Variants in STK3 observed in about 807,000 individuals in gnomAD.
STK3 encodes serine/threonine-protein kinase 3.
STK3 carries 41 observed loss-of-function variants against 58.0 expected under a neutral mutation model. The ratio of observed to expected loss-of-function variants is 0.71; its 90% CI spans 0.55 to 0.92. The LOEUF (loss-of-function observed/expected upper bound fraction) is 0.92. Ranked by LOEUF, STK3 falls within the 40% of genes least tolerant of loss-of-function variation. The pLI is 0.00. For missense variants in STK3, 479 were observed against 602.7 expected (o/e 0.79, Z 2.15); for synonymous variants, 170 against 191.0 (o/e 0.89, Z 0.91).
intron 10 of STK3, among the ~76,000 whole-genome samples, chr8:98,509,414 T>C (rs963193097): frequency 6.6e-6 from 1 of 152,058 alleles, no homozygotes; most frequent in Non-Finnish European, 1.5e-5. Flanking sequence ...GGCTGTTTTA[T>C]ATAAACTACA....
chr8:98,859,938 G>C (rs953227044), intron 3 of STK3, among the ~76,000 whole-genome samples: 1 of 152,198 alleles, frequency 6.6e-6, no homozygotes, highest in African/African-American at 2.4e-5. Context: ...AGCCTACTCA[G>C]AGAAATAAAA....
At chr8:98,729,860 C>G (rs532067694) in intron 4 of STK3, among the ~76,000 whole-genome samples, 2 of 152,348 alleles carry the variant, frequency 1.3e-5, no homozygotes, top group Admixed American at 6.5e-5. Context: ...TCTGGCTCCA[C>G]ATTTCATGTT....
chr8:98,573,015 CAT>C (rs1218220043), intron 8 of STK3, among the ~76,000 whole-genome samples: 1 of 151,762 alleles, frequency 6.6e-6, no homozygotes, highest in Non-Finnish European at 1.5e-5. Context: ...GACCAAGTAA[CAT>C]ATACCTAAAA....
intron 6 of STK3, among the ~76,000 whole-genome samples, chr8:98,658,827 C>T (rs1183611704): frequency 1.3e-5 from 2 of 151,954 alleles, no homozygotes; most frequent in Non-Finnish European, 2.9e-5. Context: ...GAAACAATTC[C>T]ACATGTCACA....
At chr8:98,870,675 T>G (rs1034113192) in intron 3 of STK3, among the ~76,000 whole-genome samples, 4 of 152,242 alleles carry the variant, frequency 2.6e-5, no homozygotes, top group Non-Finnish European at 4.4e-5. Context: ...CTTTGCCCAC[T>G]TTTTGTTGGG....
chr8:98,861,957 G>A (rs1256656094), intron 3 of STK3, among the ~76,000 whole-genome samples: 1 of 152,202 alleles, frequency 6.6e-6, no homozygotes, highest in African/African-American at 2.4e-5. Context: ...TTGTTACAGA[G>A]ATTTAATTGG....
chr8:98,700,855 C>G (rs1563907275), intron 6 of STK3, among the ~76,000 whole-genome samples: 1 of 152,050 alleles, frequency 6.6e-6, no homozygotes, highest in African/African-American at 2.4e-5. Flanking sequence ...TAAGCAAACA[C>G]AAAGGGTTTT....
chr8:98,413,143 AGCTGGGATTATAG>A (rs1398314381), intron 3 of STK3, among the ~76,000 whole-genome samples: 1 of 152,338 alleles, frequency 6.6e-6, no homozygotes, highest in African/African-American at 2.4e-5. Context: ...CTTCCCAAGT[AGCTGGGATTATAG>A]GCATGTGCCA....
chr8:98,373,091 G>T (rs910443257), intron 2 of STK3, among the ~76,000 whole-genome samples: 2 of 152,298 alleles, frequency 1.3e-5, no homozygotes, highest in South Asian at 4.1e-4. Flanking sequence ...AAGGAAATTC[G>T]TTGGGTCTGC....
intron 6 of STK3, among the ~76,000 whole-genome samples, chr8:98,629,397 C>T (rs1818999153): frequency 6.6e-6 from 1 of 152,138 alleles, no homozygotes; most frequent in Admixed American, 6.5e-5. Flanking sequence ...GGAGACCCCA[C>T]ACACCCACCT....
At chr8:98,431,912 G>A (rs760816656) in intron 3 of STK3, 2 of 167,052 alleles carry the variant, frequency 1.2e-5, no homozygotes, top group Non-Finnish European at 2.9e-5. Flanking sequence ...TTCTGAGCAT[G>A]AGAATGTCCC....
intron 2 of STK3, among the ~76,000 whole-genome samples, chr8:98,435,247 C>G (rs116285566): frequency 6.9e-4 from 105 of 152,260 alleles, no homozygotes; most frequent in African/African-American, 2.5e-3. Context: ...TCAGGGCTGG[C>G]CAGGTGGAGG....
In STK3 at chr8:98,744,281, C is replaced by T. The variant is rs553554810; in HGVS notation, c.351+4995G>A. ...ATGCTGCTATAAAGACACATGCACACGTATCTTTATTGCAGCACTATTCAC... is the reference window on the plus strand; with the variant it reads ...ATGCTGCTATAAAGACACATGCACATGTATCTTTATTGCAGCACTATTCAC... On this transcript the variant is annotated intron_variant, in intron 4 of 10. Coordinates refer to ENST00000419617, the MANE Select transcript of STK3 (RefSeq NM_006281.4). Among the ~76,000 whole-genome samples the T allele has an allele frequency of 5.9e-5, 9 of 152,146 alleles. No individual in the cohort carries two copies. The East Asian group carries it at 9.7e-4, about 16-fold the overall frequency.
At chr8:98,565,922 C>T (rs1173820371) in intron 8 of STK3, among the ~76,000 whole-genome samples, 1 of 152,166 alleles carries the variant, frequency 6.6e-6, no homozygotes, top group African/African-American at 2.4e-5. Flanking sequence ...ACCTAATTTA[C>T]ATCACATACT....
At chr8:98,866,038 C>A (rs1837128129) in intron 3 of STK3, among the ~76,000 whole-genome samples, 1 of 151,914 alleles carries the variant, frequency 6.6e-6, no homozygotes, top group East Asian at 1.9e-4. Flanking sequence ...TGCCTGCACA[C>A]TGTGGCTGCT....
At chr8:98,601,044 T>C (rs1816304801) in intron 6 of STK3, among the ~76,000 whole-genome samples, 1 of 152,230 alleles carries the variant, frequency 6.6e-6, no homozygotes, top group South Asian at 2.1e-4. Context: ...TTTTTTACTT[T>C]TAAAAATTAT....
chr8:98,387,634 G>C lies in STK3; in HGVS notation n.56+558C>G, dbSNP rs973197841. Among the ~76,000 whole-genome samples, 5 of 152,190 alleles carry C rather than the reference G, an allele frequency of 3.3e-5. No individual in the cohort carries two copies. In the East Asian group the frequency reaches 9.6e-4, roughly 29 times the overall value. On this transcript the variant is annotated intron_variant and non_coding_transcript_variant, in intron 1 of 2. Transcript: ENST00000518704. ...ATGATGGTGCATGCCTGTAATCCCA[G>C]CTACTCAGGAGGCTGAGGCAGGAGA...
chr8:98,925,021 C>T (rs1472695817), intron 1 of STK3, among the ~76,000 whole-genome samples: 1 of 152,186 alleles, frequency 6.6e-6, no homozygotes, highest in East Asian at 1.9e-4. Context: ...TGATTCAAAG[C>T]TAGGTTTCCT....
At chr8:98,651,902 C>T (rs1313280506) in intron 6 of STK3, among the ~76,000 whole-genome samples, 3 of 151,886 alleles carry the variant, frequency 2.0e-5, no homozygotes, top group Non-Finnish European at 4.4e-5. Context: ...AGTTGGAAAA[C>T]ACTCTGCAGG....
Sources: allele counts gnomAD v4.1 joint callset (sites outside exome capture counted in the v4.1 genomes callset), GRCh38; gene constraint gnomAD v4.1.1; transcripts MANE v1.5; gene names NCBI Gene and HGNC (gene_info 2026-07-23, HGNC 2026-07-21).